The following MBD5 variants were observed in gnomAD, a reference collection of about 807,000 sequenced individuals.
The protein encoded by MBD5 is methyl-CpG-binding domain protein 5.
MBD5 carries 13 observed loss-of-function variants against 117.3 expected under a neutral mutation model. The ratio of observed to expected loss-of-function variants is 0.11; its 90% CI spans 0.07 to 0.18. The LOEUF (loss-of-function observed/expected upper bound fraction) is 0.18. Ranked by LOEUF, MBD5 falls within the 10% of genes least tolerant of loss-of-function variation. The pLI is 1.00. For synonymous variants in MBD5, 727 were observed against 766.4 expected, an observed-to-expected ratio of 0.95 and a Z score of 0.85; for missense variants, 1,879 against 2,093.8, an observed-to-expected ratio of 0.90 and a Z score of 2.00.
intron 4 of MBD5, among the ~76,000 whole-genome samples, chr2:148,348,994 A>G (rs968821123): frequency 6.6e-6 from 1 of 152,008 alleles, no homozygotes; most frequent in Non-Finnish European, 1.5e-5. Context: ...GGAGGAAGGA[A>G]GGGTAGCTTA....
chr2:148,334,290 C>T (rs1702732174), intron 3 of MBD5, among the ~76,000 whole-genome samples: 1 of 151,998 alleles, frequency 6.6e-6, no homozygotes, highest in South Asian at 2.1e-4. Context: ...AGCTTCCAAA[C>T]TGTGGTTACT....
intron 5 of MBD5, among the ~76,000 whole-genome samples, chr2:148,460,007 T>G (rs1707017794): frequency 6.6e-6 from 1 of 152,134 alleles, no homozygotes; most frequent in Non-Finnish European, 1.5e-5. Flanking sequence ...CAAGCACACA[T>G]GAGATAACTT....
At chr2:148,052,434 T>C (rs980106298) in intron 1 of MBD5, among the ~76,000 whole-genome samples, 1 of 152,076 alleles carries the variant, frequency 6.6e-6, no homozygotes, top group African/African-American at 2.4e-5. Flanking sequence ...GGTCTCGAAC[T>C]CTCGATCTCA....
rs368430099 is a variant in MBD5 at position 148,466,449 on chromosome 2, G to A, written c.398-1892G>A. On this transcript the variant is annotated intron_variant, in intron 7 of 13. Transcript: ENST00000642680. ...GTTAGTTGAATATAAAAATTCCAGT[G>A]TCTGTATTTTTAATCACTGAACTGT... Among the ~76,000 whole-genome samples, 5 of 152,064 alleles carry A rather than the reference G, an allele frequency of 3.3e-5. No homozygotes were observed. In the East Asian group the frequency reaches 9.6e-4, roughly 29 times the overall value.
intron 4 of MBD5, among the ~76,000 whole-genome samples, chr2:148,356,277 A>G (rs1703378091): frequency 6.6e-6 from 1 of 152,124 alleles, no homozygotes; most frequent in South Asian, 2.1e-4. Context: ...ATGGCAGCTG[A>G]TCAGTAGGGC....
At chr2:148,117,932 A>G (rs1038600416) in intron 1 of MBD5, among the ~76,000 whole-genome samples, 9 of 152,326 alleles carry the variant, frequency 5.9e-5, no homozygotes, top group African/African-American at 2.2e-4. Flanking sequence ...TATCATCTTC[A>G]GTGAAAAAGA....
At chr2:148,361,952 G>T (rs112146924) in intron 4 of MBD5, among the ~76,000 whole-genome samples, 26 of 152,144 alleles carry the variant, frequency 1.7e-4, no homozygotes, top group Non-Finnish European at 2.9e-5. Context: ...CAGTGCACTC[G>T]GGCCCAGATA....
intron 3 of MBD5, among the ~76,000 whole-genome samples, chr2:148,287,460 G>A (rs940648758): frequency 2.0e-5 from 3 of 152,126 alleles, no homozygotes; most frequent in African/African-American, 7.2e-5. Flanking sequence ...GTATCAGTCA[G>A]TTTTTTATGC....
intron 3 of MBD5, among the ~76,000 whole-genome samples, chr2:148,304,448 T>G (rs758392004): frequency 2.6e-5 from 4 of 152,214 alleles, no homozygotes; most frequent in Non-Finnish European, 5.9e-5. Flanking sequence ...GAATCAATTC[T>G]AGTACATTGT....
intron 4 of MBD5, among the ~76,000 whole-genome samples, chr2:148,450,163 G>GT (rs781008043): frequency 1.3e-5 from 2 of 151,954 alleles, no homozygotes; most frequent in Non-Finnish European, 2.9e-5. Context: ...TACTTACTAT[G>GT]TGCTAGGCAC....
intron 8 of MBD5, among the ~76,000 whole-genome samples, chr2:148,482,562 A>G (rs1681192153): frequency 6.6e-6 from 1 of 152,168 alleles, no homozygotes; most frequent in African/African-American, 2.4e-5. Context: ...AGAAAGCTAT[A>G]AACTAAAATG....
chr2:148,047,323 C>G (rs568922175), intron 1 of MBD5, among the ~76,000 whole-genome samples: 1 of 152,288 alleles, frequency 6.6e-6, no homozygotes, highest in South Asian at 2.1e-4. Context: ...AAGACCATGA[C>G]CTTTACTAAG....
At chr2:148,079,685 C>T (rs1408966836) in intron 1 of MBD5, among the ~76,000 whole-genome samples, 3 of 151,846 alleles carry the variant, frequency 2.0e-5, no homozygotes, top group South Asian at 2.1e-4. Flanking sequence ...GGTGAAACCC[C>T]GTCTCTACTA....
intron 4 of MBD5, among the ~76,000 whole-genome samples, chr2:148,441,080 G>C (rs1325196128): frequency 1.3e-5 from 2 of 151,912 alleles, no homozygotes; most frequent in African/African-American, 4.8e-5. Context: ...TTCATCCCTA[G>C]CTCTATTCCT....
At chr2:148,276,052 CTG>C (rs1227170050) in intron 3 of MBD5, among the ~76,000 whole-genome samples, 2 of 152,108 alleles carry the variant, frequency 1.3e-5, no homozygotes, top group Admixed American at 1.3e-4. Context: ...TAGCTCATGT[CTG>C]TATTCCCAGC....
chr2:148,417,004 A>G (rs1705439117), intron 4 of MBD5, among the ~76,000 whole-genome samples: 2 of 152,298 alleles, frequency 1.3e-5, no homozygotes, highest in Middle Eastern at 6.8e-3. Context: ...TATATAAATC[A>G]GTATACACCA....
intron 4 of MBD5, among the ~76,000 whole-genome samples, chr2:148,393,558 C>CA (rs911991294): frequency 4.6e-5 from 7 of 151,748 alleles, no homozygotes; most frequent in Non-Finnish European, 7.4e-5. Flanking sequence ...TAAAAAAGAA[C>CA]AAAAAAAATT....
At chr2:148,236,807 C>T (rs899107632) in intron 3 of MBD5, among the ~76,000 whole-genome samples, 2 of 152,136 alleles carry the variant, frequency 1.3e-5, no homozygotes, top group South Asian at 2.1e-4. Flanking sequence ...CTTCTAGTTA[C>T]GAAAATCCCA....
At position 148,489,641 on chromosome 2, in the gene MBD5, A is replaced by G. The variant is rs115940994; in HGVS notation, c.4009A>G (p.Ile1337Val). Residue 1337 changes from isoleucine to valine, a missense_variant, in exon 11 of 14, where the codon ATC becomes GTC. Physicochemically the swap from Ile to Val is conservative, Grantham distance 29. Around this residue, in one of 4 missense-constraint regions of MBD5, gnomAD observed 1,666 missense variants for 1,792.2 expected, o/e 0.93. Coordinates refer to ENST00000642680, the MANE Select transcript of MBD5 (RefSeq NM_001378120.1). Reference sequence around the variant, plus strand: ...AGCCAGCAAAGGAATGCAGGTTGTCATCACCACTGCAGTCAACAGTACAAC... The same window carrying G: ...AGCCAGCAAAGGAATGCAGGTTGTCGTCACCACTGCAGTCAACAGTACAAC... ...DAASKGMQVV[I>V]TTAVNSTTQI... 557 of 1,614,208 alleles carry G rather than the reference A, an allele frequency of 3.5e-4. 1 individual carries two copies. The East Asian group carries it at 0.012, about 34-fold the overall frequency.
Sources: gnomAD v4.1 joint callset for allele counts (sites outside exome capture counted in the v4.1 genomes callset) on GRCh38, gnomAD v4.1.1 for gene constraint, gnomAD v4.1.1 regional missense constraint, MANE v1.5 for transcripts, NCBI Gene and HGNC (gene_info 2026-07-23, HGNC 2026-07-21) for gene names.